CHRM2: variants seen among roughly 807,000 people sequenced by gnomAD.
The protein encoded by CHRM2 is cholinergic receptor muscarinic 2.
Under a neutral mutation model 25.0 loss-of-function variants are expected in CHRM2, and 8 were observed. The observed-to-expected ratio is 0.32, with a 90% CI of 0.19 to 0.58. The LOEUF is 0.58. Ranked by LOEUF, CHRM2 falls within the 20% of genes least tolerant of loss-of-function variation. The pLI, the probability that CHRM2 is intolerant of heterozygous loss-of-function variation, is 0.88. For synonymous variants in CHRM2, 202 were observed against 205.7 expected, an observed-to-expected ratio of 0.98 and a Z score of 0.15; for missense variants, 440 against 567.1, an observed-to-expected ratio of 0.78 and a Z score of 2.28.
intron 2 of CHRM2, among the ~76,000 whole-genome samples, chr7:136,933,065 A>T (rs974676740): frequency 3.3e-5 from 5 of 151,948 alleles, no homozygotes; most frequent in African/African-American, 4.8e-5. Flanking sequence ...TAAATAAATA[A>T]TTTTTTTAAA....
At chr7:136,920,538 G>A (rs2130731313) in intron 2 of CHRM2, among the ~76,000 whole-genome samples, 1 of 152,164 alleles carries the variant, frequency 6.6e-6, no homozygotes, top group South Asian at 2.1e-4. Context: ...CATCTCTGGG[G>A]GAATCATGAA....
chr7:136,984,148 G>A (rs2068463017), intron 2 of CHRM2, among the ~76,000 whole-genome samples: 1 of 152,212 alleles, frequency 6.6e-6, no homozygotes, highest in African/African-American at 2.4e-5. Flanking sequence ...CAGAGAGGAG[G>A]AATCTAGAGA....
At chr7:136,965,562 A>G (rs998809821) in intron 2 of CHRM2, among the ~76,000 whole-genome samples, 5 of 152,106 alleles carry the variant, frequency 3.3e-5, no homozygotes, top group African/African-American at 1.2e-4. Context: ...ACTCTAAAAG[A>G]GAAAATAACT....
intron 2 of CHRM2, among the ~76,000 whole-genome samples, chr7:136,941,954 GTC>G (rs1253811081): frequency 3.9e-5 from 6 of 152,118 alleles, no homozygotes; most frequent in Non-Finnish European, 7.4e-5. Context: ...ACCTCTCTGA[GTC>G]TCTGTTTCCT....
At chr7:136,962,356 A>C (rs1252772252) in intron 2 of CHRM2, among the ~76,000 whole-genome samples, 1 of 152,116 alleles carries the variant, frequency 6.6e-6, no homozygotes. Context: ...GCTAGTCTCG[A>C]ACTCCTGGCC....
chr7:136,902,247 C>CCATA (rs1797265224), intron 2 of CHRM2: 1 of 151,988 alleles, frequency 6.6e-6, no homozygotes, highest in African/African-American at 2.4e-5. Flanking sequence ...ATCCATCCAT[C>CCATA]CATCCATCTA....
chr7:136,997,771 A>G (rs781064278), intron 3 of CHRM2, among the ~76,000 whole-genome samples: 1 of 152,214 alleles, frequency 6.6e-6, no homozygotes, highest in African/African-American at 2.4e-5. Flanking sequence ...TAGTTGTAGC[A>G]TGTCTGAAAC....
At chr7:137,012,874 A>G (rs1804913910) in intron 3 of CHRM2, among the ~76,000 whole-genome samples, 4 of 151,974 alleles carry the variant, frequency 2.6e-5, no homozygotes, top group Admixed American at 2.6e-4. Flanking sequence ...AGATATAGAT[A>G]CATTATCCTT....
chr7:136,908,322 T>C (rs1797665733), intron 2 of CHRM2, among the ~76,000 whole-genome samples: 1 of 151,974 alleles, frequency 6.6e-6, no homozygotes, highest in Non-Finnish European at 1.5e-5. Context: ...ACGAGGCTCT[T>C]ATTCTTAACT....
intron 3 of CHRM2, among the ~76,000 whole-genome samples, chr7:136,994,828 C>T (rs2131034161): frequency 6.6e-6 from 1 of 151,762 alleles, no homozygotes; most frequent in African/African-American, 2.4e-5. Context: ...GACTAGATCC[C>T]ATATGATCTC....
intron 2 of CHRM2, among the ~76,000 whole-genome samples, chr7:136,963,468 A>G (rs1801221659): frequency 6.6e-6 from 1 of 152,240 alleles, no homozygotes; most frequent in South Asian, 2.1e-4. Context: ...AGATGTTCAT[A>G]GGATTTCAGG....
chr7:136,997,948 A>G (rs1036922680), intron 3 of CHRM2, among the ~76,000 whole-genome samples: 2 of 152,198 alleles, frequency 1.3e-5, no homozygotes, highest in African/African-American at 4.8e-5. Flanking sequence ...GTGTCAGTTA[A>G]TTGAGGAATC....
Position 136,971,925 on chromosome 7 carries a change from G to C in CHRM2, c.-124-20262G>C, listed in dbSNP as rs142306709. 2.0e-5 allele frequency among the ~76,000 whole-genome samples: 3 copies of C among 152,098 alleles called. No homozygotes were observed. In the East Asian group the frequency reaches 5.8e-4, roughly 29 times the overall value. ...TTGGTGCTAATCTCTAAAGGGAGTAGGCAGCAGTAAATTCTCTGAGCTCTC... is the reference window on the plus strand; with the variant it reads ...TTGGTGCTAATCTCTAAAGGGAGTACGCAGCAGTAAATTCTCTGAGCTCTC... On this transcript the variant is annotated intron_variant, in intron 2 of 3. Coordinates refer to ENST00000680005, the MANE Select transcript of CHRM2 (RefSeq NM_001006630.2).
intron 2 of CHRM2, among the ~76,000 whole-genome samples, chr7:136,875,020 C>A (rs2130469374): frequency 8.3e-6 from 1 of 120,286 alleles, no homozygotes; most frequent in South Asian, 2.3e-4. Context: ...ATTTTTCTTG[C>A]TGAATATATA....
At chr7:136,880,445 G>GTAAA (rs1248571996) in intron 2 of CHRM2, among the ~76,000 whole-genome samples, 1 of 151,878 alleles carries the variant, frequency 6.6e-6, no homozygotes, top group African/African-American at 2.4e-5. Flanking sequence ...TTCACTTGCA[G>GTAAA]TAAACATTTG....
chr7:136,913,191 T>G (rs1797935227), intron 2 of CHRM2, among the ~76,000 whole-genome samples: 1 of 151,962 alleles, frequency 6.6e-6, no homozygotes, highest in Admixed American at 6.6e-5. Flanking sequence ...TAAAACAGAT[T>G]ATTCCATTAA....
At chr7:136,995,425 C>T (rs1045978586) in intron 3 of CHRM2, among the ~76,000 whole-genome samples, 8 of 152,030 alleles carry the variant, frequency 5.3e-5, no homozygotes, top group Admixed American at 3.9e-4. Context: ...GATATGAATA[C>T]TCAACATTAT....
chr7:136,956,006 A>G (rs1437264778), intron 2 of CHRM2, among the ~76,000 whole-genome samples: 5 of 152,170 alleles, frequency 3.3e-5, no homozygotes, highest in African/African-American at 9.7e-5. Context: ...TTACTGAGTA[A>G]CTTCCCTCAT....
intron 2 of CHRM2, among the ~76,000 whole-genome samples, chr7:136,879,418 G>A (rs935343572): frequency 6.6e-6 from 1 of 151,848 alleles, no homozygotes; most frequent in Non-Finnish European, 1.5e-5. Flanking sequence ...AAACCTGCTT[G>A]GAATAATTCT....
Sources: gnomAD v4.1 joint callset for allele counts (sites outside exome capture counted in the v4.1 genomes callset) on GRCh38, gnomAD v4.1.1 for gene constraint, MANE v1.5 for transcripts, NCBI Gene and HGNC (gene_info 2026-07-23, HGNC 2026-07-21) for gene names.